Variants in FREM2 observed in about 807,000 individuals in gnomAD.
FREM2 encodes FRAS1-related extracellular matrix protein 2.
In FREM2, 119 loss-of-function variants were observed where a neutral mutation model predicts 219.9. The observed-to-expected ratio is 0.54, with a 90% confidence interval of 0.47 to 0.63. The LOEUF (loss-of-function observed/expected upper bound fraction) is 0.63. Among genes scored for constraint, FREM2 ranks in the 30% least tolerant of loss-of-function variants. FREM2 has a pLI of 0.00. For missense variants in FREM2, 4,030 were observed against 3,993.6 expected, an observed-to-expected ratio of 1.01 and a Z score of -0.25; for synonymous variants, 1,562 against 1,522.8, an observed-to-expected ratio of 1.03 and a Z score of -0.60.
At chr13:38,849,941 CACTT>C (rs1300792007) in intron 8 of FREM2, 93 bp from the exon 9 acceptor site, 9 of 970,970 alleles carry the variant, frequency 9.3e-6, no homozygotes, top group African/African-American at 6.4e-5. Context: ...CAGTTCTTCT[CACTT>C]ACTTTCCATT....
At position 38,690,113 on chromosome 13, in the gene FREM2, T is replaced by A. The variant is rs367777139; in HGVS notation, c.2769T>A (p.His923Gln). ...CCTTGGAAGTCAGTGACAGACATCA[T>A]GTGGTGCCCATCACTCTCAGAGTAA... ...SCSLEVSDRH[H>Q]VVPITLRVNV... Residue 923 changes from histidine to glutamine, a missense_variant, in exon 1 of 24, where the codon CAT (histidine) becomes CAA (glutamine). Coordinates refer to ENST00000280481, the MANE Select transcript of FREM2 (RefSeq NM_207361.6). 25 of 1,614,038 alleles carry A rather than the reference T, an allele frequency of 1.5e-5. No individual in the cohort carries two copies. Among genetic ancestry groups the A allele is most frequent in the Non-Finnish European group, 1.6e-5 (19 of 1,180,044 alleles).
rs538729541 is a variant in FREM2, at chr13:38,820,688, C to T, written c.6020-25885C>T. ...TTATTTGCTGGCCAGAGAGGTCTGG[C>T]ATATCTTTTTATTGAAATCATAAAA... On this transcript the variant is annotated intron_variant, in intron 6 of 23. Transcript: ENST00000280481. Among the ~76,000 whole-genome samples, 4 of 152,180 alleles carry T rather than the reference C, an allele frequency of 2.6e-5. No homozygotes were observed. The South Asian group carries it at 8.3e-4, about 32-fold the overall frequency.
At chr13:38,871,387 T>C (rs1175317131) in intron 16 of FREM2, among the ~76,000 whole-genome samples, 2 of 152,230 alleles carry the variant, frequency 1.3e-5, no homozygotes, top group African/African-American at 2.4e-5. Flanking sequence ...ACAGCCTGAC[T>C]CAAACTTCTA....
chr13:38,836,292 C>T (rs113378877), intron 6 of FREM2, among the ~76,000 whole-genome samples: 7 of 152,088 alleles, frequency 4.6e-5, no homozygotes, highest in East Asian at 1.9e-4. Context: ...GGGAAGAGGC[C>T]GACTTGATCG....
intron 6 of FREM2, among the ~76,000 whole-genome samples, chr13:38,804,899 C>T (rs762316499): frequency 6.6e-6 from 1 of 152,078 alleles, no homozygotes; most frequent in Non-Finnish European, 1.5e-5. Context: ...CAAATTTTTG[C>T]AATTTTCCAG....
At chr13:38,835,551 A>G (rs1876675733) in intron 6 of FREM2, among the ~76,000 whole-genome samples, 1 of 152,218 alleles carries the variant, frequency 6.6e-6, no homozygotes, top group Non-Finnish European at 1.5e-5. Flanking sequence ...GCCCATTTTC[A>G]TGATATTGAT....
intron 11 of FREM2, among the ~76,000 whole-genome samples, chr13:38,855,267 A>G (rs1437503050): frequency 6.6e-6 from 1 of 152,188 alleles, no homozygotes; most frequent in East Asian, 1.9e-4. Flanking sequence ...GTTTCCCTGA[A>G]AAACACAAAG....
rs1872691736 is a variant in FREM2, at chr13:38,750,349, G to A, written c.5264-13955G>A. Among the ~76,000 whole-genome samples the A allele has an allele frequency of 3.3e-5, 5 of 152,146 alleles. No individual in the cohort carries two copies. In the South Asian group the frequency reaches 1.0e-3, roughly 32 times the overall value. On this transcript the variant is annotated intron_variant, in intron 2 of 23. Coordinates refer to ENST00000280481, the MANE Select transcript of FREM2 (RefSeq NM_207361.6). ...CCGATGGTTTTTAAAACGGGAGTGAGACTTACCTATGAGTGAGATCCATGT... is the reference window on the plus strand; with the variant it reads ...CCGATGGTTTTTAAAACGGGAGTGAAACTTACCTATGAGTGAGATCCATGT...
chr13:38,828,716 TAA>T, intron 6 of FREM2, among the ~76,000 whole-genome samples: 1 of 122,470 alleles, frequency 8.2e-6, no homozygotes, highest in African/African-American at 4.5e-5. Flanking sequence ...CCATGTCTCT[TAA>T]TAATAATAAA....
intron 2 of FREM2, among the ~76,000 whole-genome samples, chr13:38,731,439 A>G (rs1871764183): frequency 6.6e-6 from 1 of 152,108 alleles, no homozygotes; most frequent in Admixed American, 6.5e-5. Flanking sequence ...AGCTTGATAA[A>G]TGGGCCTTTT....
At chr13:38,772,903 G>T (rs1873726149) in intron 4 of FREM2, among the ~76,000 whole-genome samples, 1 of 151,852 alleles carries the variant, frequency 6.6e-6, no homozygotes, top group African/African-American at 2.4e-5. Context: ...CACCACGTTG[G>T]CCAGGCTGGT....
chr13:38,769,808 G>T lies in FREM2; in HGVS notation c.5641G>T (p.Glu1881Ter). The change falls in exon 4 of 24, where the codon GAG (glutamate) becomes TAG (stop). Residue 1881 changes from glutamate to a stop codon, truncating the protein, a stop_gained and splice_region_variant. Transcript: ENST00000280481. LOFTEE classifies it high-confidence loss of function. ...TGTTGAGATCGTTGATCCAGGAGAT[G>T]GTAAGAGCCATCGTCAACTGGTTTA... ...ATVEIVDPGD[E>*]PTVFIPQSKY... 6.2e-7 allele frequency: 1 copy of T among 1,611,162 alleles called. No homozygotes were observed. The highest frequency in any genetic ancestry group is 8.5e-7 in the Non-Finnish European group (1 of 1,177,420).
At chr13:38,842,273 A>G (rs2137901447) in intron 6 of FREM2, among the ~76,000 whole-genome samples, 1 of 152,338 alleles carries the variant, frequency 6.6e-6, no homozygotes, top group Non-Finnish European at 1.5e-5. Context: ...GGCTTTCAGC[A>G]AAGGGAGTAC....
intron 6 of FREM2, among the ~76,000 whole-genome samples, chr13:38,786,692 A>C (rs915368396): frequency 9.2e-5 from 14 of 152,330 alleles, no homozygotes; most frequent in African/African-American, 3.1e-4. Context: ...TTGGCAAAAA[A>C]ATCTTTCCTG....
Position 38,689,427 on chromosome 13 carries a change from C to T in FREM2, c.2083C>T (p.Pro695Ser). 1.2e-6 allele frequency: 2 copies of T among 1,613,998 alleles called. No homozygotes were observed. Among genetic ancestry groups the T allele is most frequent in the East Asian group, 4.5e-5 (2 of 44,870 alleles). ...ACAGCGGTTTGTGATTCGTATCCAT[C>T]CTGTGGATCGCCTCCCTCCGGAGCT... ...GLQRFVIRIHPVDRLPPELGS... is the reference protein window; with the variant it reads ...GLQRFVIRIHSVDRLPPELGS... Residue 695 changes from proline to serine, a missense_variant, in exon 1 of 24, where the codon CCT becomes TCT. Pro to Ser is a moderately conservative substitution (Grantham distance 74, BLOSUM62 -1). Coordinates refer to ENST00000280481, the MANE Select transcript of FREM2 (RefSeq NM_207361.6).
At chr13:38,739,770 T>A (rs1872163658) in intron 2 of FREM2, among the ~76,000 whole-genome samples, 1 of 152,220 alleles carries the variant, frequency 6.6e-6, no homozygotes. Flanking sequence ...GAGCAGGGAT[T>A]CCTTTCCAGT....
At chr13:38,797,326 T>C (rs1372990789) in intron 6 of FREM2, among the ~76,000 whole-genome samples, 1 of 152,180 alleles carries the variant, frequency 6.6e-6, no homozygotes, top group Non-Finnish European at 1.5e-5. Context: ...CTCATTGTGA[T>C]TCTGATTTAC....
At position 38,875,465 on chromosome 13, in the gene FREM2, C is replaced by T. The variant is rs959532276; in HGVS notation, c.8282-557C>T. Among the ~76,000 whole-genome samples the T allele has an allele frequency of 5.3e-5, 8 of 152,252 alleles. No homozygotes were observed. The East Asian group carries it at 1.5e-3, about 29-fold the overall frequency. Reference sequence around the variant, plus strand: ...AATCATTTTGCTTTATTGTATTTGACAGTTCTGGAAAATGAGGATTTTCTG... The same window carrying T: ...AATCATTTTGCTTTATTGTATTTGATAGTTCTGGAAAATGAGGATTTTCTG... On this transcript the variant is annotated intron_variant, in intron 18 of 23. Coordinates refer to ENST00000280481, the MANE Select transcript of FREM2 (RefSeq NM_207361.6).
chr13:38,790,989 A>T (rs1337588001), intron 6 of FREM2, among the ~76,000 whole-genome samples: 2 of 152,172 alleles, frequency 1.3e-5, no homozygotes, highest in Non-Finnish European at 2.9e-5. Flanking sequence ...GAAAATTACC[A>T]TTATAAACCA....
Sources: allele counts gnomAD v4.1 joint callset (sites outside exome capture counted in the v4.1 genomes callset), GRCh38; gene constraint gnomAD v4.1.1; transcripts MANE v1.5; gene names NCBI Gene and HGNC (gene_info 2026-07-23, HGNC 2026-07-21).